Variants in SLC15A5 observed in about 807,000 individuals in gnomAD.
SLC15A5 encodes the protein Peptide/histidine transporter ENSP00000340402.
Under a neutral mutation model 56.1 loss-of-function variants are expected in SLC15A5, and 58 were observed. The ratio of observed to expected loss-of-function variants is 1.03; its 90% CI spans 0.84 to 1.29. The LOEUF (loss-of-function observed/expected upper bound fraction) is 1.29. Among genes scored for constraint, SLC15A5 ranks in the 50% most tolerant of loss-of-function variants. SLC15A5 has a pLI of 0.00. For synonymous variants in SLC15A5, 264 were observed against 250.5 expected (o/e 1.05, Z -0.51); for missense variants, 681 against 672.1 (o/e 1.01, Z -0.15).
intron 5 of SLC15A5, among the ~76,000 whole-genome samples, chr12:16,225,622 C>T (rs1864233499): frequency 6.6e-6 from 1 of 152,114 alleles, no homozygotes; most frequent in Non-Finnish European, 1.5e-5. Flanking sequence ...AAAACAACCC[C>T]ATCAAAAAGT....
chr12:16,277,017 T>C (rs1246257834), intron 1 of SLC15A5, among the ~76,000 whole-genome samples: 2 of 151,992 alleles, frequency 1.3e-5, no homozygotes, highest in Admixed American at 6.6e-5. Flanking sequence ...GAATTTAGGC[T>C]TGAGGTAAAA....
Position 16,235,023 on chromosome 12 carries a change from A to G in SLC15A5, c.1162+4658T>C, listed in dbSNP as rs1591650638. ...CCCTTTGGATCCATGATTTTGGCAA[A>G]TTCCCAGGATAGGAAATTTGCTCAG... On this transcript the variant is annotated intron_variant, in intron 5 of 8. Transcript: ENST00000344941. This position sits in a 1 kb window ranked among gnomAD's most constrained non-coding sequence, Gnocchi z 4.1. Among the ~76,000 whole-genome samples the G allele has an allele frequency of 1.3e-5, 2 of 151,920 alleles. No homozygotes were observed. Among genetic ancestry groups the G allele is most frequent in the African/African-American group, 4.8e-5 (2 of 41,378 alleles).
chr12:16,267,554 A>G lies in SLC15A5; in HGVS notation c.584+5007T>C, dbSNP rs1864709108. ...TTGATTTTGGTAACTAGACATTAGG[A>G]TTGAAGAAGTTAAGTTTTTAATTTA... On this transcript the variant is annotated intron_variant, in intron 2 of 8. Coordinates refer to ENST00000344941, the MANE Select transcript of SLC15A5 (RefSeq NM_001170798.1). 1.8e-5 allele frequency among the ~76,000 whole-genome samples: 2 copies of G among 113,378 alleles called. 1 individual carries two copies. Among genetic ancestry groups the G allele is most frequent in the Admixed American group, 1.8e-4 (2 of 11,236 alleles). The allele number at this position is 113,378 out of a possible 152,430, so 74.4% of individuals were successfully genotyped here.
chr12:16,276,976 T>C (rs1358165151), intron 1 of SLC15A5, among the ~76,000 whole-genome samples: 1 of 152,064 alleles, frequency 6.6e-6, no homozygotes, highest in Non-Finnish European at 1.5e-5. Flanking sequence ...GTGAAGCAAA[T>C]ACATTTCACA....
chr12:16,217,799 A>T (rs796182145), intron 6 of SLC15A5, among the ~76,000 whole-genome samples: 36 of 152,248 alleles, frequency 2.4e-4, no homozygotes, highest in African/African-American at 8.7e-4. Context: ...AGAGAGAGAG[A>T]GACAATAGCT....
In SLC15A5 at chr12:16,247,190, G is replaced by A. The variant is rs146575021; in HGVS notation, c.755-2390C>T. The stretch of plus-strand genomic sequence containing the variant: ...TGAAGCACTGGCTTCAGTTGAATAT[G>A]TACTTTGAAAAATGAACTTGTTTAA... On this transcript the variant is annotated intron_variant, in intron 3 of 8. Coordinates refer to ENST00000344941, the MANE Select transcript of SLC15A5 (RefSeq NM_001170798.1). 2.0e-5 allele frequency among the ~76,000 whole-genome samples: 3 copies of A among 152,222 alleles called. No homozygotes were observed. In the East Asian group the frequency reaches 5.8e-4, roughly 29 times the overall value.
chr12:16,276,263 G>C (rs148419170), intron 1 of SLC15A5, among the ~76,000 whole-genome samples: 1 of 151,876 alleles, frequency 6.6e-6, no homozygotes, highest in Non-Finnish European at 1.5e-5. Flanking sequence ...TTTACCACCT[G>C]CCTGAGATTG....
intron 5 of SLC15A5, among the ~76,000 whole-genome samples, chr12:16,239,242 A>G (rs192647168): frequency 0.024 from 1,115 of 45,784 alleles, 12 homozygotes; most frequent in African/African-American, 0.092. Context: ...CCTAAATTGC[A>G]CTATTTGATA....
chr12:16,190,442 C>T (rs1428883672), intron 8 of SLC15A5, among the ~76,000 whole-genome samples: 2 of 152,114 alleles, frequency 1.3e-5, no homozygotes, highest in African/African-American at 2.4e-5. Flanking sequence ...TGAATCCTGG[C>T]GCTTTTCCTC....
chr12:16,252,095 T>C (rs1430499635), intron 3 of SLC15A5, among the ~76,000 whole-genome samples: 1 of 151,966 alleles, frequency 6.6e-6, no homozygotes, highest in African/African-American at 2.4e-5. Flanking sequence ...GGAAAAACAT[T>C]TGAGAAAATT....
intron 3 of SLC15A5, 147 bp from the exon 4 acceptor site, chr12:16,244,947 C>T (rs556442332): frequency 8.6e-5 from 67 of 781,296 alleles, no homozygotes; most frequent in Middle Eastern, 7.5e-4. Flanking sequence ...CAAAGGACCA[C>T]GCTTCTGACA....
Position 16,244,639 on chromosome 12 carries a change from A to C in SLC15A5, c.916T>G (p.Phe306Val). ...ATGAAGAGAGGGAGAAGGGTGAGGA[A>C]AAATGTTGTGTCTTCTACATGGAGC... Reference protein sequence around the residue: ...SELHVEDTTFFLTLLPLFIFQ... With the variant: ...SELHVEDTTFVLTLLPLFIFQ... The change falls in exon 4 of 9, where the codon TTC becomes GTC. Residue 306 changes from phenylalanine to valine, a missense_variant. Physicochemically the swap from Phe to Val is conservative, Grantham distance 50 (BLOSUM62 -1). Transcript: ENST00000344941. The C allele has an allele frequency of 6.5e-7, 1 of 1,537,712 alleles. No homozygotes were observed. The highest frequency in any genetic ancestry group is 8.7e-7 in the Non-Finnish European group (1 of 1,147,028).
intron 5 of SLC15A5, among the ~76,000 whole-genome samples, chr12:16,239,100 C>G (rs947415830): frequency 6.6e-6 from 1 of 152,214 alleles, no homozygotes; most frequent in Non-Finnish European, 1.5e-5. Flanking sequence ...CCACTGTTCT[C>G]TTGTTCCCTG....
chr12:16,272,248 G>C (rs1241015279), intron 2 of SLC15A5, among the ~76,000 whole-genome samples: 1 of 152,178 alleles, frequency 6.6e-6, no homozygotes, highest in Non-Finnish European at 1.5e-5. Context: ...GTGTTAAGCA[G>C]AGTCCAGACT....
rs200761475 is a variant in SLC15A5, at chr12:16,235,256, G to A, written c.1162+4425C>T. 2.1e-5 allele frequency among the ~76,000 whole-genome samples: 2 copies of A among 95,736 alleles called. No individual in the cohort carries two copies. The highest frequency in any genetic ancestry group is 7.7e-5 in the African/African-American group (2 of 25,890). The allele number at this position is 95,736 out of a possible 152,430, so 62.8% of individuals were successfully genotyped here. A position where few individuals can be genotyped will look rare whatever the true frequency, so the allele number is the denominator to read the frequency against. On this transcript the variant is annotated intron_variant, in intron 5 of 8. Coordinates refer to ENST00000344941, the MANE Select transcript of SLC15A5 (RefSeq NM_001170798.1). The surrounding 1 kb of genome is among the most constrained non-coding windows in gnomAD (Gnocchi z 4.1). The stretch of plus-strand genomic sequence containing the variant: ...CACGACATGTTATAAGTATATATGT[G>A]TATATATATGTATATGTATATATAT...
At position 16,267,431 on chromosome 12, in the gene SLC15A5, G is replaced by C. The variant is rs756304279; in HGVS notation, c.584+5130C>G. On this transcript the variant is annotated intron_variant, in intron 2 of 8. Coordinates refer to ENST00000344941, the MANE Select transcript of SLC15A5 (RefSeq NM_001170798.1). Reference sequence around the variant, plus strand: ...GAATATTCTGGCAGCCAAATATTTGGAGAAAGAAGGGGAAAATAGAAACTT... The same window carrying C: ...GAATATTCTGGCAGCCAAATATTTGCAGAAAGAAGGGGAAAATAGAAACTT... 2.6e-5 allele frequency among the ~76,000 whole-genome samples: 3 copies of C among 116,562 alleles called. 1 individual carries two copies. 76.5% of individuals were successfully genotyped at this position (116,562 alleles called of 152,430 possible). A position where few individuals can be genotyped will look rare whatever the true frequency, so the allele number is the denominator to read the frequency against.
chr12:16,252,651 A>G (rs1192196317), intron 3 of SLC15A5, among the ~76,000 whole-genome samples: 1 of 152,100 alleles, frequency 6.6e-6, no homozygotes, highest in Non-Finnish European at 1.5e-5. Context: ...AAAAAATTGA[A>G]GAATATACAA....
intron 8 of SLC15A5, among the ~76,000 whole-genome samples, chr12:16,192,752 T>A (rs1863849139): frequency 6.6e-6 from 1 of 152,056 alleles, no homozygotes; most frequent in African/African-American, 2.4e-5. Context: ...TCAATGTAAG[T>A]CTAGGAGAAG....
chr12:16,212,160 AT>A (rs1805654483), intron 7 of SLC15A5, among the ~76,000 whole-genome samples: 1 of 152,106 alleles, frequency 6.6e-6, no homozygotes, highest in Admixed American at 6.5e-5. Flanking sequence ...AATTTGTCTG[AT>A]TGTTTGAGTG....
Sources: allele counts gnomAD v4.1 joint callset (sites outside exome capture counted in the v4.1 genomes callset), GRCh38; gene constraint gnomAD v4.1.1; non-coding constraint Gnocchi (gnomAD v3.1); transcripts MANE v1.5; gene names NCBI Gene and HGNC (gene_info 2026-07-23, HGNC 2026-07-21).